COL28A1: variants seen among roughly 807,000 people sequenced by gnomAD.
The protein encoded by COL28A1 is collagen type XXVIII alpha 1 chain.
A neutral mutation model predicts 150.2 loss-of-function variants in COL28A1; 161 were observed. That is an observed-to-expected ratio of 1.07 (90% CI 0.94 to 1.22). COL28A1 has a LOEUF of 1.22. Ranked by LOEUF, COL28A1 falls within the 50% of genes most tolerant of loss-of-function variation. The pLI is 0.00. For synonymous variants in COL28A1, 552 were observed against 469.7 expected (o/e 1.18, Z -2.26); for missense variants, 1,617 against 1,388.3 (o/e 1.16, Z -2.62).
intron 4 of COL28A1, among the ~76,000 whole-genome samples, chr7:7,522,458 C>T (rs775768110): frequency 6.6e-6 from 1 of 152,088 alleles, no homozygotes; most frequent in African/African-American, 2.4e-5. Flanking sequence ...GTAAGATGCA[C>T]CTTCTTCCTC....
chr7:7,489,537 C>T, intron 12 of COL28A1, 80 bp from the exon 13 acceptor site: 1 of 826,562 alleles, frequency 1.2e-6, no homozygotes. Context: ...CTCAAGATTT[C>T]AACAAGGATA....
At position 7,422,489 on chromosome 7, in the gene COL28A1, C is replaced by T. The variant is rs541499496; in HGVS notation, c.1999-2536G>A. The stretch of plus-strand genomic sequence containing the variant: ...ACTAAAAATACAAAAATTAGCTAGG[C>T]GTGGCGGCAGGCACCTGTACTCCCA... On this transcript the variant is annotated intron_variant, in intron 25 of 34. Transcript: ENST00000399429. Among the ~76,000 whole-genome samples, 25 of 152,092 alleles carry T rather than the reference C, an allele frequency of 1.6e-4. No individual in the cohort carries two copies. The South Asian group carries it at 4.2e-3, about 25-fold the overall frequency.
At chr7:7,382,476 T>C (rs555138825) in intron 27 of COL28A1, among the ~76,000 whole-genome samples, 1 of 152,178 alleles carries the variant, frequency 6.6e-6, no homozygotes, top group Admixed American at 6.5e-5. Context: ...TCCAGATTTC[T>C]CCATCACATT....
At chr7:7,428,707 A>G (rs1333347539) in intron 25 of COL28A1, among the ~76,000 whole-genome samples, 1 of 152,232 alleles carries the variant, frequency 6.6e-6, no homozygotes, top group Non-Finnish European at 1.5e-5. Flanking sequence ...AGGACACTGG[A>G]TGAGCACTTC....
At chr7:7,422,955 T>A (rs1283352197) in intron 25 of COL28A1, among the ~76,000 whole-genome samples, 1 of 152,210 alleles carries the variant, frequency 6.6e-6, no homozygotes, top group Admixed American at 6.5e-5. Context: ...TAAGAGAGAT[T>A]TAAGAGCTAT....
chr7:7,414,075 G>C (rs1043022824), intron 27 of COL28A1, among the ~76,000 whole-genome samples: 9 of 152,172 alleles, frequency 5.9e-5, no homozygotes, highest in Admixed American at 3.3e-4. Context: ...AATTAGAAAT[G>C]AAGAATGGGG....
chr7:7,374,024 TAAAA>T (rs1188442971), intron 31 of COL28A1, among the ~76,000 whole-genome samples: 2 of 116,380 alleles, frequency 1.7e-5, no homozygotes, highest in Non-Finnish European at 3.2e-5. Context: ...ACTTGACTCT[TAAAA>T]AAAAAAAAAA....
At chr7:7,480,373 C>T (rs1207760801) in intron 13 of COL28A1, among the ~76,000 whole-genome samples, 1 of 152,156 alleles carries the variant, frequency 6.6e-6, no homozygotes, top group African/African-American at 2.4e-5. Flanking sequence ...TTTAACACTT[C>T]CAAGACCTTA....
rs12669035 is a variant in COL28A1 at position 7,482,606 on chromosome 7, A to T, written c.1165-5426T>A. Among the ~76,000 whole-genome samples, 703 of 152,158 alleles carry T rather than the reference A, an allele frequency of 4.6e-3. 5 individuals carry two copies. The highest frequency in any genetic ancestry group is 0.022 in the East Asian group (113 of 5,180). On this transcript the variant is annotated intron_variant, in intron 13 of 34. Transcript: ENST00000399429. Reference sequence around the variant, plus strand: ...CAACATTTTGATACATTATTTAGGAACTTTCCTACCTTTGTTATGATTTTA... The same window carrying T: ...CAACATTTTGATACATTATTTAGGATCTTTCCTACCTTTGTTATGATTTTA...
In COL28A1 at chr7:7,358,610, T is replaced by C. The variant is rs1408134943; in HGVS notation, c.*23A>G. 3.1e-6 allele frequency: 5 copies of C among 1,610,788 alleles called. No individual in the cohort carries two copies. The highest frequency in any genetic ancestry group is 2.5e-6 in the Non-Finnish European group (3 of 1,177,664). On this transcript the variant is annotated 3_prime_UTR_variant, in exon 35 of 35. Coordinates refer to ENST00000399429, the MANE Select transcript of COL28A1 (RefSeq NM_001037763.3). The stretch of plus-strand genomic sequence containing the variant: ...AAATTAGGGAGTTCTATGCTTTTGA[T>C]AGAGACAGGCCAATTTACTTGCTCA...
At chr7:7,391,240 T>C (rs775703814) in intron 27 of COL28A1, among the ~76,000 whole-genome samples, 3 of 152,182 alleles carry the variant, frequency 2.0e-5, no homozygotes, top group Non-Finnish European at 4.4e-5. Flanking sequence ...ATTTACCCAG[T>C]AGTCATTCAG....
chr7:7,541,109 C>T, the COL28A1 span, among the ~76,000 whole-genome samples: 1 of 152,106 alleles, frequency 6.6e-6, no homozygotes, highest in African/African-American at 2.4e-5. Flanking sequence ...AACTTATTAT[C>T]CCATGTTATA....
the COL28A1 span, among the ~76,000 whole-genome samples, chr7:7,543,002 G>GA: frequency 1.3e-5 from 2 of 152,094 alleles, no homozygotes; most frequent in African/African-American, 4.8e-5. Flanking sequence ...TCTCTCTGGG[G>GA]AAAAAAGTGT....
At chr7:7,356,012 T>C (rs1160638471), downstream of COL28A1, among the ~76,000 whole-genome samples, 1 of 152,226 alleles carries the variant, frequency 6.6e-6, no homozygotes, top group African/African-American at 2.4e-5. Flanking sequence ...TGAACATGTA[T>C]GAATTATAAT....
In COL28A1 at chr7:7,489,554, G is replaced by A. The variant is rs148490425; in HGVS notation, c.1096-97C>T. The A allele has an allele frequency of 2.8e-3, 2,151 of 756,604 alleles. 53 individuals are homozygous for A. In the Admixed American group the frequency reaches 0.042, roughly 15 times the overall value. 46.9% of individuals were successfully genotyped at this position (756,604 alleles called of 1,614,324 possible). On this transcript the variant is annotated intron_variant, in intron 12 of 34. Coordinates refer to ENST00000399429, the MANE Select transcript of COL28A1 (RefSeq NM_001037763.3). ...CAAGATTTCAACAAGGATAAATAGC[G>A]AAATAGACAAAATGTTGGTTTTCAT...
At chr7:7,460,677 C>T (rs1039214827) in intron 15 of COL28A1, among the ~76,000 whole-genome samples, 1 of 152,200 alleles carries the variant, frequency 6.6e-6, no homozygotes, top group Non-Finnish European at 1.5e-5. Context: ...CCACTGCGCC[C>T]GGCCAAGTCA....
At chr7:7,401,019 T>C (rs1250383530) in intron 27 of COL28A1, among the ~76,000 whole-genome samples, 2 of 150,016 alleles carry the variant, frequency 1.3e-5, no homozygotes, top group Non-Finnish European at 3.0e-5. Context: ...TGTGTGTGTG[T>C]GTGTGTACAG....
Position 7,459,229 on chromosome 7 carries a change from T to A in COL28A1, c.1303-3117A>T, listed in dbSNP as rs565446323. 1.1e-4 allele frequency among the ~76,000 whole-genome samples: 16 copies of A among 152,308 alleles called. No individual in the cohort carries two copies. In the East Asian group the frequency reaches 3.1e-3, roughly 29 times the overall value. ...TTAATTTACTGAACTCATAAAACAATGGTTCTGTTGTATTCAGTTCTCGCT... is the reference window on the plus strand; with the variant it reads ...TTAATTTACTGAACTCATAAAACAAAGGTTCTGTTGTATTCAGTTCTCGCT... On this transcript the variant is annotated intron_variant, in intron 15 of 34. Transcript: ENST00000399429.
At position 7,437,417 on chromosome 7, in the gene COL28A1, T is replaced by G; in HGVS notation, c.1768A>C (p.Ile590Leu). ...MGPFGMPGTS[I>L]PGPPGPKGDR... is the part of the protein sequence containing the mutation. Reference sequence around the variant, plus strand: ...ACCTTTGGCCCAGGTGGTCCAGGAATTGATGTTCCAGGCATTCCAAAAGGG... The same window carrying G: ...ACCTTTGGCCCAGGTGGTCCAGGAAGTGATGTTCCAGGCATTCCAAAAGGG... Residue 590 changes from isoleucine (I) to leucine (L), a missense_variant, in exon 22 of 35, where the codon ATT becomes CTT. By Grantham distance (5) the Ile-to-Leu change is conservative. Transcript: ENST00000399429. The G allele has an allele frequency of 6.2e-7, 1 of 1,613,614 alleles. No individual in the cohort carries two copies. The highest frequency in any genetic ancestry group is 8.5e-7 in the Non-Finnish European group (1 of 1,179,860).
Sources: gnomAD v4.1 joint callset for allele counts (sites outside exome capture counted in the v4.1 genomes callset) on GRCh38, gnomAD v4.1.1 for gene constraint, MANE v1.5 for transcripts, NCBI Gene and HGNC (gene_info 2026-07-23, HGNC 2026-07-21) for gene names.